The following VPS13B variants were observed in gnomAD, a reference collection of about 807,000 sequenced individuals.
The protein encoded by VPS13B is intermembrane lipid transfer protein VPS13B.
In VPS13B, 285 loss-of-function variants were observed where a neutral mutation model predicts 426.4. The observed-to-expected ratio is 0.67, with a 90% CI of 0.61 to 0.74. The LOEUF is 0.74. Ranked by LOEUF, VPS13B falls within the 30% of genes least tolerant of loss-of-function variation. The pLI is 0.00. For synonymous variants in VPS13B, 1,676 were observed against 1,676.4 expected (o/e 1.00, Z 0.01); for missense variants, 4,537 against 4,782.6 (o/e 0.95, Z 1.51).
chr8:99,115,573 A>T, intron 6 of VPS13B, 127 bp from the exon 7 acceptor site: 2 of 926,634 alleles, frequency 2.2e-6, no homozygotes, highest in Non-Finnish European at 3.2e-6. Flanking sequence ...GTTTTGATTT[A>T]AGTATTAAAA....
chr8:99,584,607 A>G (rs1007105298), intron 33 of VPS13B, among the ~76,000 whole-genome samples: 17 of 152,162 alleles, frequency 1.1e-4, no homozygotes, highest in Admixed American at 3.9e-4. Flanking sequence ...AGCATAGACA[A>G]ATGGAATGAT....
chr8:99,336,256 A>G (rs967030186), intron 19 of VPS13B, among the ~76,000 whole-genome samples: 4 of 152,164 alleles, frequency 2.6e-5, no homozygotes, highest in Non-Finnish European at 4.4e-5. Context: ...AAAAACAAGC[A>G]ATGGGGAAAG....
chr8:99,446,361 A>G (rs755060855), intron 23 of VPS13B, among the ~76,000 whole-genome samples: 32 of 151,768 alleles, frequency 2.1e-4, no homozygotes, highest in Non-Finnish European at 3.8e-4. Flanking sequence ...GTACAATGTC[A>G]TTTCATGTTT....
chr8:99,087,571 C>T lies in VPS13B; in HGVS notation c.292-8741C>T, dbSNP rs149421057. Among the ~76,000 whole-genome samples the T allele has an allele frequency of 7.4e-3, 1,118 of 151,512 alleles. 12 individuals carry two copies. Among genetic ancestry groups the T allele is most frequent in the African/African-American group, 0.026 (1,064 of 41,300 alleles). On this transcript the variant is annotated intron_variant, in intron 3 of 61. Transcript: ENST00000357162. ...GCTCATGTTGGGAGCTGTAGACTGG[C>T]GTTGTTCCTATTCAGCCATCTTGGC... is the stretch of plus-strand genomic sequence containing the variant.
intron 17 of VPS13B, among the ~76,000 whole-genome samples, chr8:99,216,586 T>C (rs1563608851): frequency 1.3e-5 from 2 of 151,586 alleles, no homozygotes; most frequent in African/African-American, 4.8e-5. Context: ...TTAAAATTTG[T>C]ATGACATTTT....
intron 19 of VPS13B, among the ~76,000 whole-genome samples, chr8:99,287,502 A>T (rs1220542876): frequency 2.6e-5 from 4 of 151,998 alleles, no homozygotes; most frequent in South Asian, 2.1e-4. Context: ...TATTATTTAA[A>T]CTATCAGAAG....
intron 39 of VPS13B, among the ~76,000 whole-genome samples, chr8:99,755,113 C>T (rs1327141465): frequency 2.6e-5 from 4 of 152,092 alleles, no homozygotes; most frequent in African/African-American, 9.7e-5. Flanking sequence ...TAAGACTATG[C>T]ACACCCCCAG....
chr8:99,476,116 T>C (rs1010490341), intron 24 of VPS13B, among the ~76,000 whole-genome samples: 3 of 152,208 alleles, frequency 2.0e-5, no homozygotes, highest in African/African-American at 7.2e-5. Context: ...GTAGACTGAC[T>C]CTGATTAAAA....
At chr8:99,754,263 A>G (rs1810534840) in intron 39 of VPS13B, among the ~76,000 whole-genome samples, 1 of 152,104 alleles carries the variant, frequency 6.6e-6, no homozygotes, top group Non-Finnish European at 1.5e-5. Context: ...GATTTTTTAA[A>G]TGATATAGAA....
intron 20 of VPS13B, among the ~76,000 whole-genome samples, chr8:99,384,909 C>T (rs549869429): frequency 4.2e-4 from 64 of 152,300 alleles, no homozygotes; most frequent in African/African-American, 1.5e-3. Context: ...GAACTCCTGA[C>T]CTCAAGTGAT....
chr8:99,472,880 A>G (rs948500646), intron 24 of VPS13B, among the ~76,000 whole-genome samples: 1 of 152,050 alleles, frequency 6.6e-6, no homozygotes, highest in African/African-American at 2.4e-5. Flanking sequence ...GAAAATAATG[A>G]ACAACTTTAT....
chr8:99,434,244 C>T (rs1370285323), intron 22 of VPS13B, among the ~76,000 whole-genome samples: 1 of 152,182 alleles, frequency 6.6e-6, no homozygotes, highest in Non-Finnish European at 1.5e-5. Flanking sequence ...GTCTGTCCTA[C>T]ACTCCAGCCA....
At chr8:99,570,339 C>T (rs974992996) in intron 31 of VPS13B, among the ~76,000 whole-genome samples, 1 of 152,042 alleles carries the variant, frequency 6.6e-6, no homozygotes, top group Non-Finnish European at 1.5e-5. Flanking sequence ...ATGTTGGACT[C>T]ATCTCTCCAT....
intron 21 of VPS13B, among the ~76,000 whole-genome samples, chr8:99,418,524 CTT>C (rs1816190048): frequency 8.5e-6 from 1 of 117,120 alleles, no homozygotes; most frequent in Non-Finnish European, 1.8e-5. Flanking sequence ...TCCTTTCTTT[CTT>C]TCTCTTTCTT....
chr8:99,714,605 C>T (rs1444855960), intron 36 of VPS13B, among the ~76,000 whole-genome samples: 1 of 152,158 alleles, frequency 6.6e-6, no homozygotes, highest in Non-Finnish European at 1.5e-5. Flanking sequence ...GCCATATGAT[C>T]AGAGTTAATA....
intron 19 of VPS13B, among the ~76,000 whole-genome samples, chr8:99,309,663 G>A (rs971096460): frequency 4.1e-4 from 62 of 152,078 alleles, no homozygotes; most frequent in African/African-American, 1.4e-3. Flanking sequence ...TTGGCAATGC[G>A]GGCCCTTTTT....
chr8:99,281,244 C>T (rs1819154410), intron 19 of VPS13B, among the ~76,000 whole-genome samples: 1 of 152,228 alleles, frequency 6.6e-6, no homozygotes, highest in Non-Finnish European at 1.5e-5. Flanking sequence ...TCTTGCTTGC[C>T]TGCCCACTCC....
At chr8:99,031,159 C>T (rs542673603) in intron 2 of VPS13B, among the ~76,000 whole-genome samples, 224 of 151,972 alleles carry the variant, frequency 1.5e-3, no homozygotes, top group Admixed American at 2.6e-3. Context: ...AATTCTTCTG[C>T]TTGATCTAGT....
At chr8:99,819,810 A>G in intron 48 of VPS13B, 111 bp from the exon 49 acceptor site, 2 of 1,373,092 alleles carry the variant, frequency 1.5e-6, no homozygotes, top group Non-Finnish European at 1.0e-6. Flanking sequence ...AGATTCTGGT[A>G]TGAGGAGGTA....
Sources: gnomAD v4.1 joint callset for allele counts (sites outside exome capture counted in the v4.1 genomes callset) on GRCh38, gnomAD v4.1.1 for gene constraint, MANE v1.5 for transcripts, NCBI Gene and HGNC (gene_info 2026-07-23, HGNC 2026-07-21) for gene names.